NREP: variants seen among roughly 807,000 people sequenced by gnomAD.
NREP encodes neuronal regeneration-related protein.
NREP carries 5 observed loss-of-function variants against 8.6 expected under a neutral mutation model. That is an observed-to-expected ratio of 0.58 (90% CI 0.30 to 1.22). The LOEUF is 1.22. Ranked by LOEUF, NREP falls within the 50% of genes most tolerant of loss-of-function variation. NREP has a pLI of 0.07. For synonymous variants in NREP, 27 were observed against 28.0 expected, an observed-to-expected ratio of 0.96 and a Z score of 0.11; for missense variants, 86 against 82.5, an observed-to-expected ratio of 1.04 and a Z score of -0.17.
intron 2 of NREP, chr5:111,974,653 G>C (rs1400415353): frequency 6.6e-6 from 1 of 152,284 alleles, no homozygotes; most frequent in Admixed American, 6.6e-5. Context: ...CAATACAGTA[G>C]CATCTTCCTA....
At chr5:111,768,751 T>C (rs976209867) in intron 2 of NREP, among the ~76,000 whole-genome samples, 22 of 152,206 alleles carry the variant, frequency 1.4e-4, no homozygotes, top group Non-Finnish European at 4.4e-5. Context: ...GTTTTCTTTA[T>C]TCAGTCTACC....
chr5:111,769,970 T>C (rs954583453), intron 2 of NREP, among the ~76,000 whole-genome samples: 1 of 152,076 alleles, frequency 6.6e-6, no homozygotes, highest in Non-Finnish European at 1.5e-5. Context: ...AGAAAGTAAG[T>C]GCAAAGGTAC....
chr5:111,846,539 T>C (rs1753180105), intron 2 of NREP: 1 of 151,508 alleles, frequency 6.6e-6, no homozygotes, highest in Admixed American at 6.6e-5. Flanking sequence ...GGCTCTTCCT[T>C]TACTGCTCTT....
At chr5:111,770,818 C>G (rs996431688) in intron 2 of NREP, among the ~76,000 whole-genome samples, 1 of 152,012 alleles carries the variant, frequency 6.6e-6, no homozygotes, top group African/African-American at 2.4e-5. Flanking sequence ...CATCCACCCG[C>G]CTCAGCCTTT....
intron 2 of NREP, among the ~76,000 whole-genome samples, chr5:111,764,846 G>T (rs934264436): frequency 6.6e-6 from 1 of 152,140 alleles, no homozygotes; most frequent in Non-Finnish European, 1.5e-5. Flanking sequence ...CACATATAAA[G>T]AATTATGAAG....
intron 2 of NREP, among the ~76,000 whole-genome samples, chr5:111,878,998 A>G (rs76008196): frequency 0.028 from 4,325 of 152,268 alleles, 216 homozygotes; most frequent in East Asian, 0.23. Flanking sequence ...GTGACCACCA[A>G]TGTTAGAAGT....
intron 2 of NREP, among the ~76,000 whole-genome samples, chr5:111,973,020 G>A (rs569493656): frequency 3.3e-5 from 5 of 152,288 alleles, no homozygotes; most frequent in Admixed American, 3.3e-4. Flanking sequence ...GCTGCACCAG[G>A]TTGTGCACCC....
At chr5:111,975,320 C>A (rs1756931719) in exon 2 of NREP, 2 of 1,551,494 alleles carry the variant, frequency 1.3e-6, no homozygotes, top group African/African-American at 1.4e-5. Flanking sequence ...ACATTTGGAA[C>A]AAGGGACTCT....
chr5:111,807,902 G>A (rs924521282), intron 2 of NREP, among the ~76,000 whole-genome samples: 1 of 149,474 alleles, frequency 6.7e-6, no homozygotes, highest in Non-Finnish European at 1.5e-5. Context: ...ACTTGAAAGA[G>A]GAAGAGGCTC....
chr5:111,914,411 C>T (rs1246731336), intron 2 of NREP, among the ~76,000 whole-genome samples: 2 of 152,116 alleles, frequency 1.3e-5, no homozygotes, highest in Admixed American at 1.3e-4. Context: ...TGTTCCACTT[C>T]CTTATTTGAA....
chr5:111,753,183 A>G (rs1182977722), intron 2 of NREP, among the ~76,000 whole-genome samples: 1 of 151,786 alleles, frequency 6.6e-6, no homozygotes, highest in Non-Finnish European at 1.5e-5. Context: ...CTCAAAACTG[A>G]CACTTTTAAC....
At chr5:111,918,970 A>C (rs1028954667) in intron 2 of NREP, among the ~76,000 whole-genome samples, 2 of 152,142 alleles carry the variant, frequency 1.3e-5, no homozygotes, top group Non-Finnish European at 2.9e-5. Context: ...GAAAAGTTTT[A>C]TAGGCCCCTC....
At chr5:111,825,448 T>C (rs1312098348) in intron 2 of NREP, among the ~76,000 whole-genome samples, 1 of 152,216 alleles carries the variant, frequency 6.6e-6, no homozygotes, top group Non-Finnish European at 1.5e-5. Flanking sequence ...GTTTTTAATT[T>C]TGTTTACTGT....
At chr5:111,904,924 C>T (rs925549068) in intron 2 of NREP, among the ~76,000 whole-genome samples, 1 of 152,186 alleles carries the variant, frequency 6.6e-6, no homozygotes, top group South Asian at 2.1e-4. Flanking sequence ...TCCAAGTTAA[C>T]CTCTGTTTCG....
chr5:111,770,551 T>C (rs1192078658), intron 2 of NREP, among the ~76,000 whole-genome samples: 7 of 146,692 alleles, frequency 4.8e-5, no homozygotes, highest in East Asian at 3.9e-4. Flanking sequence ...GAAGAATTAT[T>C]TCCTTTTTTT....
At chr5:111,863,074 A>G (rs1391305133) in intron 2 of NREP, among the ~76,000 whole-genome samples, 1 of 152,002 alleles carries the variant, frequency 6.6e-6, no homozygotes, top group African/African-American at 2.4e-5. Context: ...TAAGGTAGAA[A>G]TAGATTCAAG....
chr5:111,736,113 A>G (rs1405436242), intron 2 of NREP, among the ~76,000 whole-genome samples: 1 of 152,086 alleles, frequency 6.6e-6, no homozygotes, highest in Non-Finnish European at 1.5e-5. Flanking sequence ...GGAGCGAGGG[A>G]GTGGAACTGA....
At chr5:111,930,523 C>G (rs1755508321) in intron 2 of NREP, among the ~76,000 whole-genome samples, 1 of 152,068 alleles carries the variant, frequency 6.6e-6, no homozygotes, top group Non-Finnish European at 1.5e-5. Context: ...AAAGGGCTCC[C>G]TAGACTTGAT....
At chr5:111,753,711 C>T (rs899709002) in intron 2 of NREP, among the ~76,000 whole-genome samples, 5 of 152,028 alleles carry the variant, frequency 3.3e-5, no homozygotes, top group African/African-American at 9.7e-5. Context: ...GTCCAGGAGA[C>T]AAATCTACTG....
Sources: gnomAD v4.1 joint callset for allele counts (sites outside exome capture counted in the v4.1 genomes callset) on GRCh38, gnomAD v4.1.1 for gene constraint, MANE v1.5 for transcripts, NCBI Gene and HGNC (gene_info 2026-07-23, HGNC 2026-07-21) for gene names.